NBPF20: variants seen among roughly 807,000 people sequenced by gnomAD.
NBPF20 encodes NBPF member 20.
In NBPF20, 90 loss-of-function variants were observed where a neutral mutation model predicts 68.1. The ratio of observed to expected loss-of-function variants is 1.32; its 90% CI spans 1.11 to 1.58. The LOEUF is 1.58. Ranked by LOEUF, NBPF20 falls within the 40% of genes most tolerant of loss-of-function variation. The pLI is 0.00. For missense variants in NBPF20, 816 were observed against 601.2 expected (o/e 1.36, Z -3.74); for synonymous variants, 290 against 228.1 (o/e 1.27, Z -2.45).
At position 145,403,093 on chromosome 1, in the gene NBPF20, C is replaced by T. The variant is rs1443112257; in HGVS notation, c.278+123G>A. The T allele has an allele frequency of 7.8e-4, 785 of 1,004,458 alleles. 2 individuals are homozygous for T. Among genetic ancestry groups the T allele is most frequent in the Non-Finnish European group, 4.8e-4 (306 of 636,040 alleles). 62.2% of individuals were successfully genotyped at this position (1,004,458 alleles called of 1,614,324 possible). A position where few individuals can be genotyped will look rare whatever the true frequency, so the allele number is the denominator to read the frequency against. On this transcript the variant is annotated intron_variant, in intron 3 of 137. Transcript: ENST00000369373. ...TTGATAAATATTTATGTGTAGCGAG[C>T]CTGCCATGGCAATTCCTGCCCTTCC...
upstream of NBPF20, among the ~76,000 whole-genome samples, chr1:145,409,490 C>T (rs1299400032): frequency 6.7e-6 from 1 of 149,614 alleles, no homozygotes; most frequent in Non-Finnish European, 1.5e-5. Flanking sequence ...AAAAGCCCAC[C>T]AAGAGTTTTG....
At chr1:145,334,890 GAC>G (rs1434324527) in intron 83 of NBPF20, among the ~76,000 whole-genome samples, 1 of 136,336 alleles carries the variant, frequency 7.3e-6, no homozygotes, top group African/African-American at 2.5e-5. Context: ...TTGGCCGGGT[GAC>G]ACACTGATGA....
At chr1:145,397,829 T>C (rs1164674425) in intron 7 of NBPF20, among the ~76,000 whole-genome samples, 1 of 152,154 alleles carries the variant, frequency 6.6e-6, no homozygotes, top group African/African-American at 2.4e-5. Flanking sequence ...TGTGCTGTAC[T>C]CAGGAAACCC....
chr1:145,394,946 G>C (rs1383902366), intron 8 of NBPF20, 32 bp downstream of exon 13: 19 of 1,611,800 alleles, frequency 1.2e-5, no homozygotes, highest in East Asian at 2.2e-5. Flanking sequence ...CCATGAACTG[G>C]AGCTTTATCA....
At position 145,291,744 on chromosome 1, in the gene NBPF20, C is replaced by A. The variant is rs376765079; in HGVS notation, c.16723G>T (p.Glu5575Ter). ...GAGTCCTGTAAGACTTCAGGCTCTT[C>A]CACTTCCATCAGCACGCCGTTGAGC... The change falls in exon 138 of 138, where the codon GAA becomes TAA. Residue 5575 changes from glutamate (E) to a stop codon, truncating the protein, a stop_gained. Transcript: ENST00000369373. LOFTEE classifies it high-confidence loss of function. 1.1e-4 allele frequency: 175 copies of A among 1,611,914 alleles called. No homozygotes were observed. Among genetic ancestry groups the A allele is most frequent in the Non-Finnish European group, 1.4e-4 (165 of 1,179,858 alleles).
At chr1:145,407,453 G>A (rs1290319608), upstream of NBPF20, among the ~76,000 whole-genome samples, 2 of 144,256 alleles carry the variant, frequency 1.4e-5, no homozygotes, top group African/African-American at 2.5e-5. Flanking sequence ...ATGTATATAC[G>A]TGTATACACG....
chr1:145,423,726 A>G, the NBPF20 span, among the ~76,000 whole-genome samples: 2 of 151,062 alleles, frequency 1.3e-5, no homozygotes. Flanking sequence ...CTGATACATT[A>G]CTGCACCCCT....
upstream of NBPF20, among the ~76,000 whole-genome samples, chr1:145,406,637 G>A (rs1444285329): frequency 6.0e-5 from 9 of 149,890 alleles, no homozygotes; most frequent in East Asian, 9.6e-4. Flanking sequence ...CAGGTGTGTA[G>A]TGATATCATA....
At chr1:145,419,791 G>C in the NBPF20 span, among the ~76,000 whole-genome samples, 1 of 152,174 alleles carries the variant, frequency 6.6e-6, no homozygotes, top group African/African-American at 2.4e-5. Context: ...GGGGTCTCTA[G>C]CCCAGAGCAG....
chr1:145,306,332 G>C (rs1571347655), intron 119 of NBPF20, among the ~76,000 whole-genome samples: 1 of 147,888 alleles, frequency 6.8e-6, no homozygotes. Context: ...GAGAGAACGA[G>C]CTCAGTGAAT....
At chr1:145,341,129 CAG>C (rs1661609609) in intron 75 of NBPF20, among the ~76,000 whole-genome samples, 190 bp from the exon 81 acceptor site, 2 of 84,790 alleles carry the variant, frequency 2.4e-5, no homozygotes, top group South Asian at 3.4e-4. Flanking sequence ...AAGAGAAAGA[CAG>C]AGAGAGAGAG....
chr1:145,399,451 T>C (rs1357807791), intron 6 of NBPF20, among the ~76,000 whole-genome samples: 1 of 151,694 alleles, frequency 6.6e-6, no homozygotes, highest in African/African-American at 2.4e-5. Flanking sequence ...AACATGGACA[T>C]TAAATGTTTA....
intron 136 of NBPF20, 79 bp from the exon 142 acceptor site, chr1:145,292,568 A>C: frequency 1.4e-6 from 1 of 735,612 alleles, no homozygotes. Context: ...TAATCCTCAC[A>C]CAGGGACCTC....
chr1:145,407,499 TAATATA>T, upstream of NBPF20, among the ~76,000 whole-genome samples: 1 of 145,840 alleles, frequency 6.9e-6, no homozygotes, highest in Admixed American at 6.9e-5. Context: ...TGAATATATA[TAATATA>T]TATACGTGTA....
rs1273010812 is a variant in NBPF20 at position 145,291,380 on chromosome 1, G to T, written c.*146C>A. The T allele has an allele frequency of 2.6e-6, 4 of 1,560,748 alleles. No homozygotes were observed. In the East Asian group the frequency reaches 9.0e-5, roughly 35 times the overall value. On this transcript the variant is annotated 3_prime_UTR_variant, in exon 138 of 138. Coordinates refer to ENST00000369373, the Ensembl canonical transcript of NBPF20. ...TCAGACTGAGCACAGGTTGCCACTG[G>T]CATGGTTTGAGAATAGGAATACAGC... is the stretch of plus-strand genomic sequence containing the variant.
intron 8 of NBPF20, among the ~76,000 whole-genome samples, chr1:145,394,138 C>T (rs1388790975): frequency 5.3e-5 from 8 of 151,988 alleles, no homozygotes; most frequent in African/African-American, 1.9e-4. Context: ...GGCAAAATTC[C>T]CCTGTGTTGG....
At chr1:145,295,104 G>T in intron 133 of NBPF20, 150 bp from the exon 139 acceptor site, 1 of 582,390 alleles carries the variant, frequency 1.7e-6, no homozygotes, top group Non-Finnish European at 2.9e-6. Context: ...TTTATGTTGG[G>T]ATAGACCAGG....
chr1:145,422,794 AC>A, the NBPF20 span, among the ~76,000 whole-genome samples: 1 of 151,986 alleles, frequency 6.6e-6, no homozygotes, highest in African/African-American at 2.4e-5. Flanking sequence ...TTTGAGACCA[AC>A]CTGGGAAACA....
chr1:145,424,451 CAT>C, the NBPF20 span, among the ~76,000 whole-genome samples: 1 of 152,202 alleles, frequency 6.6e-6, no homozygotes, highest in Non-Finnish European at 1.5e-5. Flanking sequence ...GCTACTAACA[CAT>C]ATCAGCTCAG....
Sources: gnomAD v4.1 joint callset for allele counts (sites outside exome capture counted in the v4.1 genomes callset) on GRCh38, gnomAD v4.1.1 for gene constraint, MANE v1.5 for transcripts, NCBI Gene and HGNC (gene_info 2026-07-23, HGNC 2026-07-21) for gene names.